Variants in DACH2 observed in about 807,000 individuals in gnomAD.
DACH2 encodes the protein dachshund homolog 2.
A neutral mutation model predicts 35.8 loss-of-function variants in DACH2; 17 were observed. That is an observed-to-expected ratio of 0.48 (90% CI 0.33 to 0.71). DACH2 has a LOEUF of 0.71. DACH2 is among the 30% of genes least tolerant of loss of function. The pLI is 0.02. For missense variants in DACH2, 469 were observed against 472.7 expected, an observed-to-expected ratio of 0.99 and a Z score of 0.07; for synonymous variants, 195 against 177.3, an observed-to-expected ratio of 1.10 and a Z score of -0.79.
intron 3 of DACH2, among the ~76,000 whole-genome samples, chrX:86,562,964 G>A (rs774338159): frequency 2.7e-5 from 3 of 111,268 alleles, no homozygotes; most frequent in South Asian, 7.3e-4. Context: ...ATATTAGAAG[G>A]TAGAAATTGT....
At chrX:86,270,992 C>T (rs1186055307) in intron 1 of DACH2, among the ~76,000 whole-genome samples, 1 of 111,757 alleles carries the variant, frequency 8.9e-6, no homozygotes, top group Non-Finnish European at 1.9e-5. Context: ...ACTGTATCTT[C>T]GTTGTCGACT....
intron 3 of DACH2, among the ~76,000 whole-genome samples, chrX:86,629,148 G>A (rs1022078314): frequency 4.5e-5 from 5 of 111,481 alleles, no homozygotes; most frequent in African/African-American, 6.5e-5. Flanking sequence ...GTTTTCTTGC[G>A]TTCCCAGCAT....
intron 1 of DACH2, among the ~76,000 whole-genome samples, chrX:86,268,608 C>T (rs181860190): frequency 5.2e-4 from 56 of 108,299 alleles, no homozygotes; most frequent in African/African-American, 1.9e-3. Context: ...GATCTCAGCT[C>T]ACGGCAATCC....
chrX:86,290,644 T>C (rs1281468041), intron 1 of DACH2, among the ~76,000 whole-genome samples: 7 of 107,983 alleles, frequency 6.5e-5, no homozygotes, highest in Admixed American at 1.0e-4. Flanking sequence ...TGCATATGGC[T>C]AGCCAGTTTT....
At chrX:86,612,838 T>C (rs1383025497) in intron 3 of DACH2, among the ~76,000 whole-genome samples, 1 of 112,595 alleles carries the variant, frequency 8.9e-6, no homozygotes, top group African/African-American at 3.2e-5. Context: ...TTGGTGTTCC[T>C]ACAGGGAAGA....
In DACH2 at chrX:86,205,311, G is replaced by T. The variant is rs999289141; in HGVS notation, c.488+56203G>T. Reference sequence around the variant, plus strand: ...AAAATGAGTTTTGAAGATTTTAAAAGATTTCTCCCATCCCCTCCAGAATAA... The same window carrying T: ...AAAATGAGTTTTGAAGATTTTAAAATATTTCTCCCATCCCCTCCAGAATAA... On this transcript the variant is annotated intron_variant, in intron 1 of 11. Coordinates refer to ENST00000373125, the MANE Select transcript of DACH2 (RefSeq NM_053281.3). 5.5e-5 allele frequency among the ~76,000 whole-genome samples: 6 copies of T among 110,031 alleles called. No individual in the cohort carries two copies. In the East Asian group the frequency reaches 1.8e-3, roughly 32 times the overall value.
intron 7 of DACH2, among the ~76,000 whole-genome samples, chrX:86,806,936 C>T (rs1330961192): frequency 1.8e-5 from 2 of 111,641 alleles, no homozygotes; most frequent in Non-Finnish European, 3.8e-5. Flanking sequence ...GAAGGGCTTT[C>T]TTTCCTATGC....
intron 2 of DACH2, among the ~76,000 whole-genome samples, chrX:86,402,759 A>G: frequency 8.9e-6 from 1 of 112,118 alleles, no homozygotes; most frequent in East Asian, 2.8e-4. Context: ...AACCAGAGAC[A>G]TCATACAACC....
At chrX:86,549,401 C>G (rs1386401794) in intron 3 of DACH2, among the ~76,000 whole-genome samples, 1 of 110,802 alleles carries the variant, frequency 9.0e-6, no homozygotes, top group African/African-American at 3.3e-5. Context: ...TAGAGTTTTG[C>G]ACAATTTGTA....
intron 1 of DACH2, among the ~76,000 whole-genome samples, chrX:86,340,821 G>A (rs375594908): frequency 1.8e-5 from 2 of 112,157 alleles, no homozygotes; most frequent in South Asian, 3.7e-4. Flanking sequence ...AGTTTGAGTG[G>A]TCTGGCTAGA....
chrX:86,319,360 GT>G (rs758844948), intron 1 of DACH2, among the ~76,000 whole-genome samples: 9 of 110,828 alleles, frequency 8.1e-5, no homozygotes, highest in Non-Finnish European at 1.5e-4. Flanking sequence ...ATCTTTTACT[GT>G]TTTTTTTACT....
intron 4 of DACH2, among the ~76,000 whole-genome samples, chrX:86,671,459 G>C (rs750673776): frequency 4.5e-5 from 5 of 111,519 alleles, no homozygotes; most frequent in Non-Finnish European, 9.4e-5. Context: ...ATTGAATGAT[G>C]TGAAGATTTC....
intron 2 of DACH2, among the ~76,000 whole-genome samples, chrX:86,467,320 T>C (rs1212291264): frequency 9.0e-6 from 1 of 111,386 alleles, no homozygotes; most frequent in East Asian, 2.8e-4. Flanking sequence ...CCAGTCTCTT[T>C]CCTAAAGCAT....
At chrX:86,388,362 G>T (rs891276650) in intron 2 of DACH2, among the ~76,000 whole-genome samples, 8 of 111,858 alleles carry the variant, frequency 7.2e-5, no homozygotes, top group Non-Finnish European at 1.3e-4. Flanking sequence ...GATGGGGGTG[G>T]CAAGTTAGGC....
chrX:86,631,279 C>T (rs993885734), intron 3 of DACH2, among the ~76,000 whole-genome samples: 2 of 112,065 alleles, frequency 1.8e-5, no homozygotes, highest in African/African-American at 6.5e-5. Flanking sequence ...GCCTAGGCAT[C>T]TACTGAAAAT....
chrX:86,598,403 A>G (rs2039740358), intron 3 of DACH2, among the ~76,000 whole-genome samples: 1 of 111,760 alleles, frequency 8.9e-6, no homozygotes, highest in Non-Finnish European at 1.9e-5. Context: ...GTGTTAAGCC[A>G]TTTGTCTGTT....
intron 6 of DACH2, among the ~76,000 whole-genome samples, chrX:86,732,390 A>G (rs966247228): frequency 8.9e-6 from 1 of 112,393 alleles, no homozygotes; most frequent in Non-Finnish European, 1.9e-5. Context: ...AAAGAAACAG[A>G]CATAGAAAAC....
At chrX:86,477,339 CATATATAT>C (rs56255658) in intron 2 of DACH2, among the ~76,000 whole-genome samples, 4,205 of 75,817 alleles carry the variant, frequency 0.055, 161 homozygotes, top group African/African-American at 0.14. Context: ...GTGTTGAGTG[CATATATAT>C]ATATATATAT....
chrX:86,332,196 C>T (rs1045027146), intron 1 of DACH2, among the ~76,000 whole-genome samples: 3 of 111,188 alleles, frequency 2.7e-5, no homozygotes, highest in African/African-American at 9.8e-5. Context: ...ATATATGTCC[C>T]TTAGTGGTCG....
Sources: gnomAD v4.1 joint callset for allele counts (sites outside exome capture counted in the v4.1 genomes callset) on GRCh38, gnomAD v4.1.1 for gene constraint, MANE v1.5 for transcripts, NCBI Gene and HGNC (gene_info 2026-07-23, HGNC 2026-07-21) for gene names.